The following EPB41L4A variants were observed in gnomAD, a reference collection of about 807,000 sequenced individuals.
The protein encoded by EPB41L4A is erythrocyte membrane protein band 4.1 like 4A.
A neutral mutation model predicts 108.6 loss-of-function variants in EPB41L4A; 100 were observed. The ratio of observed to expected loss-of-function variants is 0.92; its 90% CI spans 0.78 to 1.09. The LOEUF is 1.09. Ranked by LOEUF, EPB41L4A falls within the 50% of genes least tolerant of loss-of-function variation. The probability of loss-of-function intolerance (pLI) is 0.00; values close to 1 mark genes in which losing one functional copy is unlikely to be tolerated. For missense variants in EPB41L4A, 1,030 were observed against 842.7 expected (o/e 1.22, Z -2.75); for synonymous variants, 319 against 289.0 (o/e 1.10, Z -1.05).
rs189728857 is a variant in EPB41L4A, at chr5:112,152,585, G to A, written n.994+5816C>T. ...GAGGAATGGGCCCTCACCAAACACT[G>A]TGGCACCTTAATCTCAGATTTTCCA... On this transcript the variant is annotated intron_variant and non_coding_transcript_variant, in intron 12 of 13. Transcript: ENST00000507810. Among the ~76,000 whole-genome samples the A allele has an allele frequency of 2.6e-5, 4 of 152,220 alleles. No individual in the cohort carries two copies. The East Asian group carries it at 7.7e-4, about 29-fold the overall frequency.
chr5:112,302,450 T>C (rs2150567832), intron 2 of EPB41L4A, among the ~76,000 whole-genome samples: 1 of 152,318 alleles, frequency 6.6e-6, no homozygotes, highest in South Asian at 2.1e-4. Context: ...TTGAGATACA[T>C]GAGAGGCATC....
At chr5:112,403,186 G>C (rs1011204860) in intron 1 of EPB41L4A, among the ~76,000 whole-genome samples, 1 of 152,058 alleles carries the variant, frequency 6.6e-6, no homozygotes, top group Non-Finnish European at 1.5e-5. Context: ...GCTGTTCTCT[G>C]GGAATCTGTG....
At chr5:112,300,323 A>G (rs1437442815) in intron 2 of EPB41L4A, among the ~76,000 whole-genome samples, 2 of 152,158 alleles carry the variant, frequency 1.3e-5, no homozygotes, top group Non-Finnish European at 2.9e-5. Context: ...TCCTTTTAGC[A>G]GTTCTTATAG....
At chr5:112,200,286 C>A (rs12187809) in intron 15 of EPB41L4A, among the ~76,000 whole-genome samples, 5,397 of 152,218 alleles carry the variant, frequency 0.035, 155 homozygotes, top group Non-Finnish European at 0.056. Context: ...AGGAAACTAA[C>A]CCCAACCTCT....
chr5:112,249,891 G>A (rs1032836212), intron 9 of EPB41L4A, among the ~76,000 whole-genome samples: 2 of 152,176 alleles, frequency 1.3e-5, no homozygotes, highest in African/African-American at 4.8e-5. Context: ...CCAAGAGCTA[G>A]TAAGGTTGTG....
At chr5:112,213,131 A>C (rs1204763296) in intron 12 of EPB41L4A, among the ~76,000 whole-genome samples, 3 of 152,202 alleles carry the variant, frequency 2.0e-5, no homozygotes, top group Admixed American at 2.0e-4. Flanking sequence ...AAATCATGTG[A>C]GTGCTCTTTG....
chr5:112,419,017 G>A lies in EPB41L4A; in HGVS notation c.23C>T (p.Pro8Leu), dbSNP rs745559245. MGCFCAV[P>L]EEFYCEVLLL... The stretch of plus-strand genomic sequence containing the variant: ...CAAAACTTCGCAGTAAAATTCTTCC[G>A]GAACAGCGCAGAAACAGCCCATGTC... The change falls in exon 1 of 23, where the codon CCG (proline) becomes CTG (leucine). Residue 8 changes from proline to leucine, a missense_variant. Coordinates refer to ENST00000261486, the MANE Select transcript of EPB41L4A (RefSeq NM_022140.5). 7 of 1,613,604 alleles carry A rather than the reference G, an allele frequency of 4.3e-6. No individual in the cohort carries two copies. The highest frequency in any genetic ancestry group is 5.9e-6 in the Non-Finnish European group (7 of 1,179,690).
chr5:112,150,963 A>G (rs189943512), intron 12 of EPB41L4A, among the ~76,000 whole-genome samples: 50 of 152,298 alleles, frequency 3.3e-4, no homozygotes, highest in African/African-American at 1.1e-3. Flanking sequence ...CTCAAACATT[A>G]ATTTGCATAT....
intron 1 of EPB41L4A, among the ~76,000 whole-genome samples, chr5:112,401,979 T>A (rs1056517476): frequency 6.6e-6 from 1 of 152,210 alleles, no homozygotes; most frequent in African/African-American, 2.4e-5. Flanking sequence ...CCCAACACGT[T>A]AGGTGGAAAG....
intron 1 of EPB41L4A, among the ~76,000 whole-genome samples, chr5:112,400,337 G>C (rs756281767): frequency 7.0e-6 from 1 of 142,482 alleles, no homozygotes; most frequent in African/African-American, 3.0e-5. Flanking sequence ...ATTACAATTC[G>C]AGGTGAGATT....
At chr5:112,385,092 A>G (rs776367261) in intron 1 of EPB41L4A, among the ~76,000 whole-genome samples, 1 of 152,152 alleles carries the variant, frequency 6.6e-6, no homozygotes, top group Non-Finnish European at 1.5e-5. Context: ...TGCCAGCAGA[A>G]GCCTCCTGCC....
intron 12 of EPB41L4A, among the ~76,000 whole-genome samples, chr5:112,155,465 G>T (rs973909548): frequency 1.2e-4 from 18 of 152,002 alleles, no homozygotes; most frequent in African/African-American, 4.1e-4. Flanking sequence ...AAAGCATCCT[G>T]AATATCAGTG....
At chr5:112,187,695 G>A (rs1488932294) in intron 17 of EPB41L4A, among the ~76,000 whole-genome samples, 3 of 152,048 alleles carry the variant, frequency 2.0e-5, no homozygotes, top group Non-Finnish European at 2.9e-5. Context: ...ACAAATCCCC[G>A]AGTTTTATTG....
rs545049628 is a variant in EPB41L4A at position 112,377,216 on chromosome 5, A to AG, written c.99+41724_99+41725insC. On this transcript the variant is annotated intron_variant, in intron 1 of 22. Transcript: ENST00000261486. ...CAAGATACTGTTGTCTGTTTGTTTG[A>AG]AAAAAAAAAAAAAAAGACAATATGT... Among the ~76,000 whole-genome samples, 13 of 117,238 alleles carry AG rather than the reference A, an allele frequency of 1.1e-4. 1 individual carries two copies. Among genetic ancestry groups the AG allele is most frequent in the African/African-American group, 6.1e-4 (13 of 21,306 alleles). The allele number at this position is 117,238 out of a possible 152,430, so 76.9% of individuals were successfully genotyped here.
intron 15 of EPB41L4A, among the ~76,000 whole-genome samples, chr5:112,200,997 T>C (rs1321502254): frequency 1.3e-5 from 2 of 152,232 alleles, no homozygotes; most frequent in African/African-American, 4.8e-5. Context: ...CTTGAGATTC[T>C]TCCATGCTGA....
intron 1 of EPB41L4A, among the ~76,000 whole-genome samples, chr5:112,333,059 A>T (rs1756668340): frequency 6.6e-6 from 1 of 152,208 alleles, no homozygotes; most frequent in African/African-American, 2.4e-5. Flanking sequence ...GCCTCTAAAA[A>T]ATGTGAAGAT....
At chr5:112,279,438 T>G (rs1475501332) in intron 3 of EPB41L4A, among the ~76,000 whole-genome samples, 1 of 152,214 alleles carries the variant, frequency 6.6e-6, no homozygotes, top group African/African-American at 2.4e-5. Context: ...ATTCACACAG[T>G]TCAGCAAAAT....
chr5:112,166,010 C>T (rs998492894), intron 22 of EPB41L4A, among the ~76,000 whole-genome samples: 1 of 152,114 alleles, frequency 6.6e-6, no homozygotes, highest in African/African-American at 2.4e-5. Context: ...AAGAGAACAC[C>T]AGTGAATGTG....
chr5:112,297,116 T>A (rs573466800), intron 2 of EPB41L4A, among the ~76,000 whole-genome samples: 4 of 152,272 alleles, frequency 2.6e-5, no homozygotes, highest in African/African-American at 9.6e-5. Context: ...TGTGCAAGTA[T>A]CTTTTTCGTA....
Sources: gnomAD v4.1 joint callset for allele counts (sites outside exome capture counted in the v4.1 genomes callset) on GRCh38, gnomAD v4.1.1 for gene constraint, MANE v1.5 for transcripts, NCBI Gene and HGNC (gene_info 2026-07-23, HGNC 2026-07-21) for gene names.